L3MBTL3: variants seen among roughly 807,000 people sequenced by gnomAD.
L3MBTL3 encodes L3MBTL histone methyl-lysine binding protein 3.
Under a neutral mutation model 102.3 loss-of-function variants are expected in L3MBTL3, and 27 were observed. The observed-to-expected ratio is 0.26, with a 90% confidence interval of 0.19 to 0.36. The LOEUF (loss-of-function observed/expected upper bound fraction) is 0.36, where lower values mean the gene tolerates loss of function less well. L3MBTL3 is among the 10% of genes least tolerant of loss of function. The probability of loss-of-function intolerance (pLI) is 1.00; values close to 1 mark genes in which losing one functional copy is unlikely to be tolerated. For synonymous variants in L3MBTL3, 340 were observed against 320.9 expected, an observed-to-expected ratio of 1.06 and a Z score of -0.64; for missense variants, 798 against 955.3, an observed-to-expected ratio of 0.84 and a Z score of 2.17.
chr6:130,078,738 T>G (rs1261143499), intron 14 of L3MBTL3, 104 bp downstream of exon 14: 3 of 702,462 alleles, frequency 4.3e-6, no homozygotes, highest in Non-Finnish European at 7.4e-6. Flanking sequence ...TTGCAGACCA[T>G]GCAGTTTTCT....
At chr6:130,045,122 C>G (rs1034223561) in intron 3 of L3MBTL3, among the ~76,000 whole-genome samples, 5 of 152,150 alleles carry the variant, frequency 3.3e-5, no homozygotes, top group African/African-American at 1.2e-4. Flanking sequence ...TTACACCCTT[C>G]TTCTTCACAT....
chr6:130,098,493 T>A (rs76510800), intron 18 of L3MBTL3, among the ~76,000 whole-genome samples: 3,865 of 151,982 alleles, frequency 0.025, 84 homozygotes, highest in Middle Eastern at 0.061. Context: ...TGTTACGGAG[T>A]TTTTATTGCT....
chr6:130,032,672 A>G (rs1281477088), intron 2 of L3MBTL3, among the ~76,000 whole-genome samples: 1 of 152,188 alleles, frequency 6.6e-6, no homozygotes, highest in African/African-American at 2.4e-5. Context: ...TATTCTTTGC[A>G]TTTTACACAT....
intron 19 of L3MBTL3, among the ~76,000 whole-genome samples, chr6:130,109,550 G>A (rs918494531): frequency 6.6e-6 from 1 of 152,136 alleles, no homozygotes; most frequent in Non-Finnish European, 1.5e-5. Flanking sequence ...TTTTGATGGG[G>A]TTGTTTGTTT....
chr6:130,118,091 A>G (rs1291876819), intron 19 of L3MBTL3, among the ~76,000 whole-genome samples: 1 of 152,076 alleles, frequency 6.6e-6, no homozygotes, highest in African/African-American at 2.4e-5. Flanking sequence ...TCAATGAAAG[A>G]CAATTTGGAG....
At chr6:130,108,231 G>GTTTTTTTTTTTTTT (rs869221525) in intron 19 of L3MBTL3, among the ~76,000 whole-genome samples, 87 of 91,016 alleles carry the variant, frequency 9.6e-4, no homozygotes, top group Non-Finnish European at 1.4e-3. Context: ...TTTTTTTTTT[G>GTTTTTTTTTTTTTT]TTTTTTTTTT....
intron 13 of L3MBTL3, among the ~76,000 whole-genome samples, chr6:130,073,995 T>G (rs1782792705): frequency 6.6e-6 from 1 of 152,228 alleles, no homozygotes; most frequent in South Asian, 2.1e-4. Flanking sequence ...ATTGTTTAAG[T>G]GCTCTGGAAT....
chr6:130,080,385 A>G (rs1008099036), intron 14 of L3MBTL3, among the ~76,000 whole-genome samples: 2 of 152,174 alleles, frequency 1.3e-5, no homozygotes, highest in African/African-American at 4.8e-5. Flanking sequence ...AATAGTGGCC[A>G]GTGATTGCCA....
At chr6:130,021,003 G>C (rs1237765310) in intron 1 of L3MBTL3, among the ~76,000 whole-genome samples, 1 of 152,070 alleles carries the variant, frequency 6.6e-6, no homozygotes, top group African/African-American at 2.4e-5. Context: ...GGCGCGGCCG[G>C]GGCGAGTGCG....
chr6:130,076,150 CTG>C (rs935119518), intron 13 of L3MBTL3, among the ~76,000 whole-genome samples: 1 of 152,120 alleles, frequency 6.6e-6, no homozygotes, highest in Non-Finnish European at 1.5e-5. Context: ...TCATCATGGT[CTG>C]TGTTATAGGC....
chr6:130,131,929 T>C (rs893244380), intron 20 of L3MBTL3, among the ~76,000 whole-genome samples: 12 of 152,222 alleles, frequency 7.9e-5, no homozygotes, highest in African/African-American at 2.9e-4. Context: ...TAGCTCATCC[T>C]GTGACTTAGA....
Position 130,133,719 on chromosome 6 carries a change from T to TC in L3MBTL3, c.2136+99dup, listed in dbSNP as rs1160915389. 11 of 1,504,388 alleles carry TC rather than the reference T, an allele frequency of 7.3e-6. No individual in the cohort carries two copies. The highest frequency in any genetic ancestry group is 1.0e-5 in the Non-Finnish European group (11 of 1,099,248). The allele number at this position is 1,504,388 out of a possible 1,614,324, so 93.2% of individuals were successfully genotyped here. A position where few individuals can be genotyped will look rare whatever the true frequency, so the allele number is the denominator to read the frequency against. Reference sequence around the variant, plus strand: ...GTAGGTAGCGTTTAGTCTTTTTTTTTCTGAAAGAGAAGAAATTATTGTGAG... The same window carrying TC: ...GTAGGTAGCGTTTAGTCTTTTTTTTTCCTGAAAGAGAAGAAATTATTGTGAG... On this transcript the variant is annotated intron_variant, in intron 21 of 22. Transcript: ENST00000361794. The surrounding 1 kb of genome is among the most constrained non-coding windows in gnomAD (Gnocchi z 4.9).
At chr6:130,032,105 G>A (rs867202746) in intron 2 of L3MBTL3, among the ~76,000 whole-genome samples, 28 of 151,750 alleles carry the variant, frequency 1.8e-4, no homozygotes, top group Middle Eastern at 3.2e-3. Context: ...GTAGGTGTGG[G>A]GTCTCACTAT....
At chr6:130,119,627 A>G (rs2115481823) in intron 19 of L3MBTL3, among the ~76,000 whole-genome samples, 1 of 152,230 alleles carries the variant, frequency 6.6e-6, no homozygotes, top group Admixed American at 6.5e-5. Flanking sequence ...AAAAAAAAAT[A>G]ATGATTCTCC....
At position 130,051,128 on chromosome 6, in the gene L3MBTL3, A is replaced by G. The variant is rs562887556; in HGVS notation, c.290-121A>G. 3.0e-4 allele frequency: 223 copies of G among 743,808 alleles called. 2 individuals carry two copies. In the South Asian group the frequency reaches 4.5e-3, roughly 15 times the overall value. 46.1% of individuals were successfully genotyped at this position (743,808 alleles called of 1,614,324 possible). The stretch of plus-strand genomic sequence containing the variant: ...AACACTATCATTTGATCATTCATTC[A>G]TTCAGCAAACACTATTCTTTATTGT... On this transcript the variant is annotated intron_variant, in intron 5 of 22. Transcript: ENST00000361794.
chr6:130,115,900 T>C (rs1785640855), intron 19 of L3MBTL3, among the ~76,000 whole-genome samples: 3 of 152,268 alleles, frequency 2.0e-5, no homozygotes, highest in Admixed American at 2.0e-4. Flanking sequence ...CTGTTTTCCA[T>C]GCACTTTTTT....
intron 3 of L3MBTL3, among the ~76,000 whole-genome samples, chr6:130,048,368 A>G (rs1454225769): frequency 1.3e-5 from 2 of 152,218 alleles, no homozygotes; most frequent in Admixed American, 1.3e-4. Context: ...GAAAAACAGA[A>G]GGAATACAGA....
intron 15 of L3MBTL3, among the ~76,000 whole-genome samples, chr6:130,085,828 C>T (rs1783649723): frequency 1.3e-5 from 2 of 152,068 alleles, no homozygotes; most frequent in Admixed American, 1.3e-4. Context: ...ACAATCTCAC[C>T]TCACTACTCC....
intron 3 of L3MBTL3, among the ~76,000 whole-genome samples, chr6:130,044,682 C>T (rs886413465): frequency 2.6e-5 from 4 of 152,048 alleles, no homozygotes; most frequent in African/African-American, 9.7e-5. Flanking sequence ...TTGATACCTC[C>T]CTTAAAAAAT....
Sources: allele counts gnomAD v4.1 joint callset (sites outside exome capture counted in the v4.1 genomes callset), GRCh38; gene constraint gnomAD v4.1.1; non-coding constraint Gnocchi (gnomAD v3.1); transcripts MANE v1.5; gene names NCBI Gene and HGNC (gene_info 2026-07-23, HGNC 2026-07-21).